Variants in AGPAT1 observed in about 807,000 individuals in gnomAD.
AGPAT1 encodes 1-acylglycerol-3-phosphate O-acyltransferase 1.
Under a neutral mutation model 31.2 loss-of-function variants are expected in AGPAT1, and 6 were observed. The ratio of observed to expected loss-of-function variants is 0.19; its 90% CI spans 0.11 to 0.38. The LOEUF (loss-of-function observed/expected upper bound fraction) is 0.38. Ranked by LOEUF, AGPAT1 falls within the 10% of genes least tolerant of loss-of-function variation. The probability of loss-of-function intolerance (pLI) is 1.00; values close to 1 mark genes in which losing one functional copy is unlikely to be tolerated. For synonymous variants in AGPAT1, 139 were observed against 154.0 expected (o/e 0.90, Z 0.72); for missense variants, 187 against 377.8 (o/e 0.49, Z 4.19).
Position 32,170,139 on chromosome 6 carries a change from G to C in AGPAT1, c.606+26C>G. 1 of 1,613,210 alleles carries C rather than the reference G, an allele frequency of 6.2e-7. No individual in the cohort carries two copies. The highest frequency in any genetic ancestry group is 8.5e-7 in the Non-Finnish European group (1 of 1,179,178). On this transcript the variant is annotated intron_variant, in intron 5 of 6. Coordinates refer to ENST00000375107, the MANE Select transcript of AGPAT1 (RefSeq NM_006411.4). The surrounding 1 kb of genome is among the most constrained non-coding windows in gnomAD (Gnocchi z 7.7). ...GGGAATGGTGGGGGTTGGCAGCTGA[G>C]TAGCAGAACGAAGAGCAGTAGTCAC...
chr6:32,172,989 A>G lies in AGPAT1; in HGVS notation c.-9-1484T>C, dbSNP rs1785235850. ...ACCTCCAGACAGGCAAACGAATCCT[A>G]CTACCCTTTCCCTTCCTTCTAGTGA... On this transcript the variant is annotated intron_variant, in intron 1 of 6. Coordinates refer to ENST00000375107, the MANE Select transcript of AGPAT1 (RefSeq NM_006411.4). The surrounding 1 kb of genome is among the most constrained non-coding windows in gnomAD (Gnocchi z 4.3). 1 of 152,222 alleles carries G rather than the reference A, an allele frequency of 6.6e-6. No individual in the cohort carries two copies. Among genetic ancestry groups the G allele is most frequent in the Admixed American group, 6.5e-5 (1 of 15,282 alleles). 9.4% of individuals were successfully genotyped at this position (152,222 alleles called of 1,614,324 possible). A position where few individuals can be genotyped will look rare whatever the true frequency, so the allele number is the denominator to read the frequency against.
chr6:32,177,233 C>T (rs1054493370), upstream of AGPAT1: 2 of 396,924 alleles, frequency 5.0e-6, no homozygotes, highest in Non-Finnish European at 8.9e-6. Context: ...AGGACTGTTA[C>T]CTAATTCTGC....
upstream of AGPAT1, chr6:32,176,777 C>A: frequency 2.7e-6 from 1 of 369,128 alleles, no homozygotes; most frequent in East Asian, 3.9e-5. Flanking sequence ...TCCTTACTTG[C>A]CCAAGCTGAG....
In AGPAT1 at chr6:32,173,423, C is replaced by A. The variant is rs1291707145; in HGVS notation, c.-9-1918G>T. On this transcript the variant is annotated intron_variant, in intron 1 of 6. Transcript: ENST00000375107. This position sits in a 1 kb window ranked among gnomAD's most constrained non-coding sequence, Gnocchi z 4.7. ...TGCCCCTACAAGTTCAGAACAGCAT[C>A]ATTTCTCCCCTGAACTATGTGGAGT... 6.6e-6 allele frequency among the ~76,000 whole-genome samples: 1 copy of A among 152,218 alleles called. No homozygotes were observed. Among genetic ancestry groups the A allele is most frequent in the Non-Finnish European group, 1.5e-5 (1 of 68,036 alleles).
chr6:32,174,272 G>A lies in AGPAT1; in HGVS notation c.-10+1542C>T, dbSNP rs56223459. On this transcript the variant is annotated intron_variant, in intron 1 of 6. Transcript: ENST00000375107. This position sits in a 1 kb window ranked among gnomAD's most constrained non-coding sequence, Gnocchi z 4.5. ...AGCCACAGTTAATGACAGAGATGGC[G>A]GTTCTGATCACAAATTAGATAGTTA... Among the ~76,000 whole-genome samples, 21 of 152,132 alleles carry A rather than the reference G, an allele frequency of 1.4e-4. No homozygotes were observed. Among genetic ancestry groups the A allele is most frequent in the African/African-American group, 2.9e-4 (12 of 41,426 alleles).
upstream of AGPAT1, chr6:32,176,233 G>A (rs1297081521): frequency 1.2e-6 from 1 of 825,150 alleles, no homozygotes; most frequent in Non-Finnish European, 1.5e-6. Context: ...TGCGAGCCCC[G>A]CCCCAGGGCT....
Position 32,170,693 on chromosome 6 carries a change from G to T in AGPAT1, c.335-93C>A, listed in dbSNP as rs1723844315. On this transcript the variant is annotated intron_variant, in intron 3 of 6. Transcript: ENST00000375107. This position sits in a 1 kb window ranked among gnomAD's most constrained non-coding sequence, Gnocchi z 7.7. ...ACCCAGCTCATCACCCTCTGGTAGG[G>T]ACTGGAGGTGAAGGAGGAGACTAGG... 1 of 1,484,954 alleles carries T rather than the reference G, an allele frequency of 6.7e-7. No individual in the cohort carries two copies. Among genetic ancestry groups the T allele is most frequent in the Non-Finnish European group, 9.3e-7 (1 of 1,081,066 alleles). 92.0% of individuals were successfully genotyped at this position (1,484,954 alleles called of 1,614,324 possible).
chr6:32,173,480 C>T lies in AGPAT1; in HGVS notation c.-9-1975G>A, dbSNP rs1402470245. Among the ~76,000 whole-genome samples the T allele has an allele frequency of 2.6e-5, 4 of 152,222 alleles. No homozygotes were observed. The highest frequency in any genetic ancestry group is 4.8e-5 in the African/African-American group (2 of 41,460). On this transcript the variant is annotated intron_variant, in intron 1 of 6. Transcript: ENST00000375107. This position sits in a 1 kb window ranked among gnomAD's most constrained non-coding sequence, Gnocchi z 4.7. Reference sequence around the variant, plus strand: ...CCAACTCCCTCCAATCCATCTTCCACGTAGCAACCACAGAGATTTTTCTGT... The same window carrying T: ...CCAACTCCCTCCAATCCATCTTCCATGTAGCAACCACAGAGATTTTTCTGT...
Position 32,173,808 on chromosome 6 carries a change from G to A in AGPAT1, c.-10+2006C>T, listed in dbSNP as rs894517322. 2.0e-5 allele frequency among the ~76,000 whole-genome samples: 3 copies of A among 152,112 alleles called. No individual in the cohort carries two copies. The highest frequency in any genetic ancestry group is 7.2e-5 in the African/African-American group (3 of 41,408). Reference sequence around the variant, plus strand: ...TCCTTACACTTTTATCTTGATCAGCGGGTCTCGAAGTATAGAAATGCAAAT... The same window carrying A: ...TCCTTACACTTTTATCTTGATCAGCAGGTCTCGAAGTATAGAAATGCAAAT... On this transcript the variant is annotated intron_variant, in intron 1 of 6. Transcript: ENST00000375107. The surrounding 1 kb of genome is among the most constrained non-coding windows in gnomAD (Gnocchi z 4.7).
chr6:32,171,099 G>A lies in AGPAT1; in HGVS notation c.201-29C>T. The A allele has an allele frequency of 6.2e-7, 1 of 1,604,372 alleles. No homozygotes were observed. The highest frequency in any genetic ancestry group is 8.5e-7 in the Non-Finnish European group (1 of 1,173,644). On this transcript the variant is annotated intron_variant, in intron 2 of 6. Transcript: ENST00000375107. This position sits in a 1 kb window ranked among gnomAD's most constrained non-coding sequence, Gnocchi z 6.9. Reference sequence around the variant, plus strand: ...TGGGGTCATGGCAAGGGGTCCCAGTGGGATCCATTGATGTCCATCTGCATG... The same window carrying A: ...TGGGGTCATGGCAAGGGGTCCCAGTAGGATCCATTGATGTCCATCTGCATG...
chr6:32,171,334 C>T lies in AGPAT1; in HGVS notation c.163G>A (p.Val55Met). The change falls in exon 2 of 7, where the codon GTG (valine) becomes ATG (methionine). Residue 55 changes from valine (V) to methionine (M), a missense_variant. Physicochemically the swap from Val to Met is conservative, Grantham distance 21. Around this residue, in one of 3 missense-constraint regions of AGPAT1, gnomAD observed 45 missense variants for 60.9 expected, o/e 0.74. Coordinates refer to ENST00000375107, the MANE Select transcript of AGPAT1 (RefSeq NM_006411.4). This position sits in a 1 kb window ranked among gnomAD's most constrained non-coding sequence, Gnocchi z 6.9. ...ACGTTGCGTCCTCGCACGGCACACACAGGGATGGCGAGCACAGCCAGGAAG... is the reference window on the plus strand; with the variant it reads ...ACGTTGCGTCCTCGCACGGCACACATAGGGATGGCGAGCACAGCCAGGAAG... Reference protein sequence around the residue: ...ILFLAVLAIPVCAVRGRNVEN... With the variant: ...ILFLAVLAIPMCAVRGRNVEN... 6.2e-7 allele frequency: 1 copy of T among 1,613,152 alleles called. No individual in the cohort carries two copies. The highest frequency in any genetic ancestry group is 8.5e-7 in the Non-Finnish European group (1 of 1,180,040).
Position 32,170,888 on chromosome 6 carries a change from AG to A in AGPAT1, c.334+48del. The A allele has an allele frequency of 1.3e-6, 2 of 1,584,314 alleles. No homozygotes were observed. The highest frequency in any genetic ancestry group is 2.3e-5 in the East Asian group (1 of 44,388). On this transcript the variant is annotated intron_variant, in intron 3 of 6. Transcript: ENST00000375107. This position sits in a 1 kb window ranked among gnomAD's most constrained non-coding sequence, Gnocchi z 7.7. ...GAGAAGATATTCTAGGGAAGGTTTC[AG>A]GAGGGGAGGCATGGCTGGGGGAGGT...
chr6:32,168,687 G>C lies in AGPAT1; in HGVS notation c.*589C>G, dbSNP rs555996405. On this transcript the variant is annotated 3_prime_UTR_variant, in exon 7 of 7. Coordinates refer to ENST00000375107, the MANE Select transcript of AGPAT1 (RefSeq NM_006411.4). This position sits in a 1 kb window ranked among gnomAD's most constrained non-coding sequence, Gnocchi z 4.5. ...GGCATCTGGGCAAGGGCAGGCATGA[G>C]ACCTCTGAATTAGAAGGGTCCAGCC... is the stretch of plus-strand genomic sequence containing the variant. 3.2e-5 allele frequency: 5 copies of C among 154,830 alleles called. No homozygotes were observed. Among genetic ancestry groups the C allele is most frequent in the Admixed American group, 1.9e-4 (3 of 15,802 alleles). The allele number at this position is 154,830 out of a possible 1,614,324, so 9.6% of individuals were successfully genotyped here.
Position 32,171,316 on chromosome 6 carries a change from G to A in AGPAT1, c.181C>T (p.Arg61Cys). 2 of 1,613,068 alleles carry A rather than the reference G, an allele frequency of 1.2e-6. No homozygotes were observed. The highest frequency in any genetic ancestry group is 1.7e-6 in the Non-Finnish European group (2 of 1,180,034). Residue 61 changes from arginine (R) to cysteine (C), a missense_variant, in exon 2 of 7, where the codon CGC becomes TGC. By Grantham distance (180) the Arg-to-Cys change is radical. Around this residue, in one of 3 missense-constraint regions of AGPAT1, gnomAD observed 113 missense variants for 283.1 expected, o/e 0.40. Transcript: ENST00000375107. This position sits in a 1 kb window ranked among gnomAD's most constrained non-coding sequence, Gnocchi z 6.9. ...CCTCACTTCATGTTCTCGACGTTGC[G>A]TCCTCGCACGGCACACACAGGGATG... ...LAIPVCAVRG[R>C]NVENMKILRL... is the part of the protein sequence containing the mutation.
chr6:32,168,936 C>T lies in AGPAT1; in HGVS notation c.*340G>A, dbSNP rs1784797750. On this transcript the variant is annotated 3_prime_UTR_variant, in exon 7 of 7. Coordinates refer to ENST00000375107, the MANE Select transcript of AGPAT1 (RefSeq NM_006411.4). This position sits in a 1 kb window ranked among gnomAD's most constrained non-coding sequence, Gnocchi z 4.5. Reference sequence around the variant, plus strand: ...TGTGGGGTAGAGGGGTAGAGAAGACCACATAGGAAGAGACTCCACTGGGGA... The same window carrying T: ...TGTGGGGTAGAGGGGTAGAGAAGACTACATAGGAAGAGACTCCACTGGGGA... The T allele has an allele frequency of 2.8e-6, 1 of 358,014 alleles. No homozygotes were observed. 22.2% of individuals were successfully genotyped at this position (358,014 alleles called of 1,614,324 possible).
In AGPAT1 at chr6:32,169,048, G is replaced by A; in HGVS notation, c.*228C>T. The A allele has an allele frequency of 1.7e-6, 1 of 573,380 alleles. No homozygotes were observed. Among genetic ancestry groups the A allele is most frequent in the Non-Finnish European group, 3.1e-6 (1 of 322,564 alleles). The allele number at this position is 573,380 out of a possible 1,614,324, so 35.5% of individuals were successfully genotyped here. A position where few individuals can be genotyped will look rare whatever the true frequency, so the allele number is the denominator to read the frequency against. On this transcript the variant is annotated 3_prime_UTR_variant, in exon 7 of 7. Coordinates refer to ENST00000375107, the MANE Select transcript of AGPAT1 (RefSeq NM_006411.4). The surrounding 1 kb of genome is among the most constrained non-coding windows in gnomAD (Gnocchi z 5.9). ...CACAGACAAGACAGTAGGAGGTGGG[G>A]GTCAAGAGTGGAGACTGCACCGAGG...
chr6:32,176,064 G>A lies in AGPAT1; in HGVS notation c.-260C>T. The A allele has an allele frequency of 1.0e-6, 1 of 985,454 alleles. No homozygotes were observed. The highest frequency in any genetic ancestry group is 1.2e-6 in the Non-Finnish European group (1 of 829,974). 61.0% of individuals were successfully genotyped at this position (985,454 alleles called of 1,614,324 possible). A position where few individuals can be genotyped will look rare whatever the true frequency, so the allele number is the denominator to read the frequency against. On this transcript the variant is annotated 5_prime_UTR_variant, in exon 1 of 7. Coordinates refer to ENST00000375107, the MANE Select transcript of AGPAT1 (RefSeq NM_006411.4). ...CTCCCTTTCTGCTGTCTCTCTGAGG[G>A]CTGGGGCTGCTGCCGCCGCTATTCC...
rs1784935714 is a variant in AGPAT1, at chr6:32,170,084, C to T, written c.607-46G>A. 6.2e-7 allele frequency: 1 copy of T among 1,610,282 alleles called. No individual in the cohort carries two copies. The highest frequency in any genetic ancestry group is 2.2e-5 in the East Asian group (1 of 44,842). Reference sequence around the variant, plus strand: ...GTCAGTCCACAGCTCTCTTCAGAGACTCCTACAATAAGCCCCTGCCCAGAG... The same window carrying T: ...GTCAGTCCACAGCTCTCTTCAGAGATTCCTACAATAAGCCCCTGCCCAGAG... On this transcript the variant is annotated intron_variant, in intron 5 of 6. Transcript: ENST00000375107. This position sits in a 1 kb window ranked among gnomAD's most constrained non-coding sequence, Gnocchi z 7.7.
In AGPAT1 at chr6:32,175,879, C is replaced by A. The variant is rs1485201384; in HGVS notation, c.-75G>T. ...AGCCAGGCTGCGGCAGCGGTGGTGGCGGATGGCTGTGTCTCTGTCTCTGTC... is the reference window on the plus strand; with the variant it reads ...AGCCAGGCTGCGGCAGCGGTGGTGGAGGATGGCTGTGTCTCTGTCTCTGTC... On this transcript the variant is annotated 5_prime_UTR_variant, in exon 1 of 7. Coordinates refer to ENST00000375107, the MANE Select transcript of AGPAT1 (RefSeq NM_006411.4). This position sits in a 1 kb window ranked among gnomAD's most constrained non-coding sequence, Gnocchi z 4.5. 5.1e-6 allele frequency: 5 copies of A among 986,344 alleles called. No individual in the cohort carries two copies. Among genetic ancestry groups the A allele is most frequent in the Non-Finnish European group, 6.0e-6 (5 of 830,760 alleles). 61.1% of individuals were successfully genotyped at this position (986,344 alleles called of 1,614,324 possible).
Sources: allele counts gnomAD v4.1 joint callset (sites outside exome capture counted in the v4.1 genomes callset), GRCh38; gene constraint gnomAD v4.1.1; regional missense constraint gnomAD v4.1.1; non-coding constraint Gnocchi (gnomAD v3.1); transcripts MANE v1.5; gene names NCBI Gene and HGNC (gene_info 2026-07-23, HGNC 2026-07-21).